ANKRD44: variants seen among roughly 807,000 people sequenced by gnomAD.
ANKRD44 encodes the protein ankyrin repeat domain 44, also known as serine/threonine-protein phosphatase 6 regulatory ankyrin repeat subunit B.
ANKRD44 carries 35 observed loss-of-function variants against 116.0 expected under a neutral mutation model. The observed-to-expected ratio is 0.30, with a 90% CI of 0.23 to 0.40. The LOEUF (loss-of-function observed/expected upper bound fraction) is 0.40, where lower values mean the gene tolerates loss of function less well. Among genes scored for constraint, ANKRD44 ranks in the 10% least tolerant of loss-of-function variants. The pLI is 1.00. For synonymous variants in ANKRD44, 435 were observed against 461.8 expected, an observed-to-expected ratio of 0.94 and a Z score of 0.74; for missense variants, 1,014 against 1,242.6, an observed-to-expected ratio of 0.82 and a Z score of 2.77.
At chr2:197,057,772 C>T (rs72924642) in intron 16 of ANKRD44, among the ~76,000 whole-genome samples, 18,960 of 152,198 alleles carry the variant, frequency 0.12, 1,417 homozygotes, top group Non-Finnish European at 0.17. Flanking sequence ...GTGGGAGGAT[C>T]GCTTGAATCC....
At chr2:197,088,609 T>C (rs2125169207) in intron 12 of ANKRD44, 102 bp downstream of exon 12, 3 of 680,662 alleles carry the variant, frequency 4.4e-6, no homozygotes, top group Middle Eastern at 2.6e-4. Flanking sequence ...AAATGATTCT[T>C]ATTTTACTAA....
chr2:197,175,912 A>G (rs1475643362), intron 2 of ANKRD44, among the ~76,000 whole-genome samples: 2 of 152,158 alleles, frequency 1.3e-5, no homozygotes, highest in Non-Finnish European at 2.9e-5. Flanking sequence ...TGCTTTCATA[A>G]TAGGAACCCT....
intron 2 of ANKRD44, among the ~76,000 whole-genome samples, chr2:197,164,533 G>C (rs576074778): frequency 5.9e-5 from 9 of 152,330 alleles, no homozygotes; most frequent in Non-Finnish European, 1.3e-4. Flanking sequence ...CTCCTGGGTG[G>C]GAAAGAAACA....
At position 197,023,264 on chromosome 2, in the gene ANKRD44, G is replaced by A. The variant is rs147581815; in HGVS notation, c.1722+1932C>T. Among the ~76,000 whole-genome samples the A allele has an allele frequency of 2.4e-3, 371 of 152,222 alleles. 2 individuals carry two copies. The highest frequency in any genetic ancestry group is 8.0e-3 in the African/African-American group (332 of 41,526). ...TGGGTAGGGACACTGAGACATAAGAGGTGAGGTATTTGGGTTAATATCACA... is the reference window on the plus strand; with the variant it reads ...TGGGTAGGGACACTGAGACATAAGAAGTGAGGTATTTGGGTTAATATCACA... On this transcript the variant is annotated intron_variant, in intron 17 of 27. Coordinates refer to ENST00000282272, the MANE Select transcript of ANKRD44 (RefSeq NM_001195144.2).
At chr2:197,045,319 C>T (rs770541033) in intron 16 of ANKRD44, among the ~76,000 whole-genome samples, 2 of 152,124 alleles carry the variant, frequency 1.3e-5, no homozygotes, top group Non-Finnish European at 2.9e-5. Context: ...GGTCAGGTTG[C>T]CATGGTCTCA....
chr2:197,204,689 C>T lies in ANKRD44; in HGVS notation c.28-17583G>A, dbSNP rs113862057. ...CAACTTATTCAATATTTTTCAAACACCACAGGCCAAACAAAACACATCTGT... is the reference window on the plus strand; with the variant it reads ...CAACTTATTCAATATTTTTCAAACATCACAGGCCAAACAAAACACATCTGT... On this transcript the variant is annotated intron_variant, in intron 1 of 27. Coordinates refer to ENST00000282272, the MANE Select transcript of ANKRD44 (RefSeq NM_001195144.2). Among the ~76,000 whole-genome samples, 10 of 152,320 alleles carry T rather than the reference C, an allele frequency of 6.6e-5. 1 individual carries two copies. Among genetic ancestry groups the T allele is most frequent in the African/African-American group, 2.2e-4 (9 of 41,584 alleles).
At chr2:197,216,528 G>C (rs2081446269) in intron 1 of ANKRD44, among the ~76,000 whole-genome samples, 2 of 152,132 alleles carry the variant, frequency 1.3e-5, no homozygotes, top group African/African-American at 4.8e-5. Context: ...TCCCTCCGCT[G>C]TTCTCATCAG....
At chr2:197,303,268 T>C (rs1167861354) in intron 1 of ANKRD44, among the ~76,000 whole-genome samples, 2 of 152,232 alleles carry the variant, frequency 1.3e-5, no homozygotes, top group African/African-American at 4.8e-5. Context: ...CATTGAAATA[T>C]GTGAGGAGCT....
intron 1 of ANKRD44, among the ~76,000 whole-genome samples, chr2:197,211,273 T>C (rs1389531742): frequency 6.6e-6 from 1 of 152,028 alleles, no homozygotes; most frequent in Non-Finnish European, 1.5e-5. Context: ...ACCTCCAGGG[T>C]GAGAGACAAC....
intron 2 of ANKRD44, among the ~76,000 whole-genome samples, chr2:197,181,434 T>C (rs1482992517): frequency 6.6e-6 from 1 of 152,094 alleles, no homozygotes. Flanking sequence ...ACATCATGGA[T>C]TTGCTATCAT....
intron 1 of ANKRD44, chr2:197,263,244 T>A: frequency 1.9e-6 from 1 of 530,404 alleles, no homozygotes. Flanking sequence ...AGCAGCTTGG[T>A]AGTCTCACGT....
chr2:197,082,096 T>C (rs1415807055), intron 14 of ANKRD44, among the ~76,000 whole-genome samples: 1 of 152,170 alleles, frequency 6.6e-6, no homozygotes, highest in African/African-American at 2.4e-5. Context: ...AGCATCTCAT[T>C]TGTCCAGAAA....
intron 16 of ANKRD44, among the ~76,000 whole-genome samples, chr2:197,050,666 A>C (rs888380027): frequency 1.3e-5 from 2 of 151,652 alleles, no homozygotes; most frequent in Non-Finnish European, 2.9e-5. Context: ...CAAGTGATCC[A>C]CCCACCTTGG....
chr2:197,299,277 C>G (rs951616350), intron 1 of ANKRD44, among the ~76,000 whole-genome samples: 1 of 151,494 alleles, frequency 6.6e-6, no homozygotes, highest in South Asian at 2.1e-4. Context: ...TCTTATTTAA[C>G]AAATATGTAT....
chr2:197,259,940 A>G (rs2082552909), intron 1 of ANKRD44, among the ~76,000 whole-genome samples: 1 of 152,224 alleles, frequency 6.6e-6, no homozygotes, highest in South Asian at 2.1e-4. Context: ...AAAAAGAAAG[A>G]AAGAAAAGAA....
chr2:197,032,284 A>G (rs550963270), intron 16 of ANKRD44, among the ~76,000 whole-genome samples: 1 of 152,296 alleles, frequency 6.6e-6, no homozygotes, highest in African/African-American at 2.4e-5. Flanking sequence ...AGCAGGAGGC[A>G]TATTAGGATA....
intron 1 of ANKRD44, among the ~76,000 whole-genome samples, chr2:197,290,797 G>GTTTGCTT (rs1388768090): frequency 6.7e-6 from 1 of 148,846 alleles, no homozygotes; most frequent in Non-Finnish European, 1.5e-5. Context: ...TTTTTTGTTT[G>GTTTGCTT]TTTGTTTTTT....
chr2:196,980,565 G>A (rs1327127774), intron 21 of ANKRD44, among the ~76,000 whole-genome samples: 2 of 152,112 alleles, frequency 1.3e-5, no homozygotes, highest in Non-Finnish European at 2.9e-5. Flanking sequence ...TCAGTCTTTT[G>A]TCCTCTGCAG....
rs368176070 is a variant in ANKRD44, at chr2:197,059,656, C to T, written c.1650+19047G>A. Reference sequence around the variant, plus strand: ...AGACACACATGTATTCAGATATGCGCCTGCCTCACATTTAATCTTTTATGA... The same window carrying T: ...AGACACACATGTATTCAGATATGCGTCTGCCTCACATTTAATCTTTTATGA... On this transcript the variant is annotated intron_variant, in intron 16 of 27. Coordinates refer to ENST00000282272, the MANE Select transcript of ANKRD44 (RefSeq NM_001195144.2). Among the ~76,000 whole-genome samples, 65 of 152,268 alleles carry T rather than the reference C, an allele frequency of 4.3e-4. No homozygotes were observed. The South Asian group carries it at 0.012, about 28-fold the overall frequency.
Sources: gnomAD v4.1 joint callset for allele counts (sites outside exome capture counted in the v4.1 genomes callset) on GRCh38, gnomAD v4.1.1 for gene constraint, MANE v1.5 for transcripts, NCBI Gene and HGNC (gene_info 2026-07-23, HGNC 2026-07-21) for gene names.